KIAA0319L: variants seen among roughly 807,000 people sequenced by gnomAD.
The protein encoded by KIAA0319L is KIAA0319 like.
KIAA0319L carries 55 observed loss-of-function variants against 120.1 expected under a neutral mutation model. That is an observed-to-expected ratio of 0.46 (90% CI 0.37 to 0.57). The LOEUF (loss-of-function observed/expected upper bound fraction) is 0.57. KIAA0319L is among the 20% of genes least tolerant of loss of function. The probability of loss-of-function intolerance (pLI) is 0.00; values close to 1 mark genes in which losing one functional copy is unlikely to be tolerated. For synonymous variants in KIAA0319L, 398 were observed against 471.9 expected, an observed-to-expected ratio of 0.84 and a Z score of 2.03; for missense variants, 1,049 against 1,255.3, an observed-to-expected ratio of 0.84 and a Z score of 2.48.
intron 9 of KIAA0319L, among the ~76,000 whole-genome samples, chr1:35,457,164 A>T (rs1642530493): frequency 6.6e-6 from 1 of 152,144 alleles, no homozygotes; most frequent in African/African-American, 2.4e-5. Flanking sequence ...AGGCTTAGAG[A>T]GGCTAAGTAA....
intron 3 of KIAA0319L, among the ~76,000 whole-genome samples, chr1:35,480,674 C>T (rs1452816943): frequency 2.0e-5 from 3 of 151,910 alleles, no homozygotes; most frequent in Non-Finnish European, 2.9e-5. Flanking sequence ...CCCAGCTACT[C>T]AGGAGGCTGA....
chr1:35,450,549 G>A (rs781177886), intron 13 of KIAA0319L, 40 bp from the exon 14 acceptor site: 2 of 1,555,526 alleles, frequency 1.3e-6, no homozygotes, highest in Non-Finnish European at 1.8e-6. Context: ...TGACATTCTG[G>A]AAAAGAAGAA....
chr1:35,472,759 G>A (rs1179672693), intron 5 of KIAA0319L, among the ~76,000 whole-genome samples: 1 of 150,908 alleles, frequency 6.6e-6, no homozygotes, highest in African/African-American at 2.4e-5. Context: ...AACCTGGAGA[G>A]AGGACAGGAG....
intron 5 of KIAA0319L, 36 bp downstream of exon 5, chr1:35,474,769 C>CA: frequency 7.5e-7 from 1 of 1,338,878 alleles, no homozygotes. Context: ...CTTTCAAAAA[C>CA]AAAAAACGGT....
intron 4 of KIAA0319L, among the ~76,000 whole-genome samples, chr1:35,477,395 C>T (rs369389227): frequency 1.7e-4 from 26 of 152,248 alleles, no homozygotes; most frequent in South Asian, 6.2e-4. Context: ...TGGCCGGGCG[C>T]GGTGGCTCAC....
intron 2 of KIAA0319L, among the ~76,000 whole-genome samples, chr1:35,546,139 G>C (rs1646972901): frequency 6.6e-6 from 1 of 152,136 alleles, no homozygotes; most frequent in Non-Finnish European, 1.5e-5. Flanking sequence ...GGTTACAAGT[G>C]AGGAATGAAT....
chr1:35,523,118 A>G (rs894023073), intron 2 of KIAA0319L, among the ~76,000 whole-genome samples: 1 of 150,758 alleles, frequency 6.6e-6, no homozygotes, highest in African/African-American at 2.4e-5. Context: ...GTTCCAATCT[A>G]CCAGCCTTCT....
chr1:35,474,950 A>T (rs1477248634), intron 4 of KIAA0319L, 44 bp from the exon 5 acceptor site: 1 of 1,087,040 alleles, frequency 9.2e-7, no homozygotes, highest in African/African-American at 1.6e-5. Context: ...ATAGATCCAG[A>T]CTGTCTTATT....
rs1325398291 is a variant in KIAA0319L at position 35,453,837 on chromosome 1, G to C, written c.1781-148C>G. The C allele has an allele frequency of 7.2e-6, 5 of 697,466 alleles. No homozygotes were observed. The highest frequency in any genetic ancestry group is 3.1e-5 in the Admixed American group (1 of 32,560). The allele number at this position is 697,466 out of a possible 1,614,324, so 43.2% of individuals were successfully genotyped here. On this transcript the variant is annotated intron_variant, in intron 11 of 20. Coordinates refer to ENST00000325722, the MANE Select transcript of KIAA0319L (RefSeq NM_024874.5). The surrounding 1 kb of genome is among the most constrained non-coding windows in gnomAD (Gnocchi z 4.1). ...CTGTGGGAGATGTGGTTACCGTCAGGGAGCACACAATAAAGAATATAAGGC... is the reference window on the plus strand; with the variant it reads ...CTGTGGGAGATGTGGTTACCGTCAGCGAGCACACAATAAAGAATATAAGGC...
intron 4 of KIAA0319L, among the ~76,000 whole-genome samples, chr1:35,475,544 T>C (rs970507692): frequency 6.6e-6 from 1 of 152,000 alleles, no homozygotes; most frequent in African/African-American, 2.4e-5. Context: ...TGTGTAATCA[T>C]AGCTCACTGC....
At chr1:35,443,225 A>T in intron 17 of KIAA0319L, 197 bp from the exon 18 acceptor site, 2 of 578,122 alleles carry the variant, frequency 3.5e-6, no homozygotes, top group Admixed American at 3.0e-5. Context: ...GGCCACTAGA[A>T]AGACACTTCC....
intron 2 of KIAA0319L, among the ~76,000 whole-genome samples, chr1:35,527,646 C>T (rs919385526): frequency 1.3e-5 from 2 of 151,978 alleles, no homozygotes; most frequent in African/African-American, 4.8e-5. Flanking sequence ...TATGTGTCCA[C>T]GGATTCATCA....
At chr1:35,475,485 T>G (rs1459208068) in intron 4 of KIAA0319L, among the ~76,000 whole-genome samples, 1 of 152,100 alleles carries the variant, frequency 6.6e-6, no homozygotes, top group Non-Finnish European at 1.5e-5. Flanking sequence ...GAATTTTTTT[T>G]TTCTTTTTGA....
intron 16 of KIAA0319L, among the ~76,000 whole-genome samples, chr1:35,445,611 C>T (rs1641563362): frequency 6.6e-6 from 1 of 152,124 alleles, no homozygotes; most frequent in Non-Finnish European, 1.5e-5. Flanking sequence ...TTATTTAATC[C>T]TCATAACAAT....
chr1:35,553,878 G>A (rs1370149083), intron 2 of KIAA0319L, among the ~76,000 whole-genome samples: 1 of 152,134 alleles, frequency 6.6e-6, no homozygotes, highest in African/African-American at 2.4e-5. Context: ...GAAAAAGTAA[G>A]GAACGCATTT....
At chr1:35,442,629 T>C (rs1229258251) in intron 18 of KIAA0319L, among the ~76,000 whole-genome samples, 2 of 152,180 alleles carry the variant, frequency 1.3e-5, no homozygotes, top group Non-Finnish European at 2.9e-5. Context: ...ACGGAGGCAC[T>C]CCAAAAGACA....
chr1:35,520,564 T>A (rs1645871178), intron 2 of KIAA0319L, among the ~76,000 whole-genome samples: 2 of 152,174 alleles, frequency 1.3e-5, no homozygotes, highest in South Asian at 4.1e-4. Context: ...CAGCTATTTT[T>A]TTATGTTTTA....
Position 35,479,111 on chromosome 1 carries a change from C to T in KIAA0319L, c.768G>A (p.Glu256=), listed in dbSNP as rs769939109. The stretch of plus-strand genomic sequence containing the variant: ...GAGTGCTGGGCGTAGTAGCAAGACC[C>T]TCTGATATTTCAGGTTGCACTGATA... ...KNVSVQPEIS[E]GLATTPSTQQ... The change falls in exon 4 of 21, where the codon GAG becomes GAA. Residue 256 remains glutamate (E), a synonymous_variant. Coordinates refer to ENST00000325722, the MANE Select transcript of KIAA0319L (RefSeq NM_024874.5). 5 of 1,614,048 alleles carry T rather than the reference C, an allele frequency of 3.1e-6. No individual in the cohort carries two copies. The highest frequency in any genetic ancestry group is 4.2e-6 in the Non-Finnish European group (5 of 1,180,042).
intron 11 of KIAA0319L, chr1:35,454,157 A>AG (rs1642266988): frequency 1.9e-6 from 1 of 523,070 alleles, no homozygotes. Context: ...AGCCAAGGGA[A>AG]GGGCACAAGC....
Sources: gnomAD v4.1 joint callset for allele counts (sites outside exome capture counted in the v4.1 genomes callset) on GRCh38, gnomAD v4.1.1 for gene constraint, Gnocchi (gnomAD v3.1) non-coding constraint, MANE v1.5 for transcripts, NCBI Gene and HGNC (gene_info 2026-07-23, HGNC 2026-07-21) for gene names.